DAAM1: variants seen among roughly 807,000 people sequenced by gnomAD.
DAAM1 encodes the protein disheveled-associated activator of morphogenesis 1.
A neutral mutation model predicts 130.0 loss-of-function variants in DAAM1; 52 were observed. That is an observed-to-expected ratio of 0.40 (90% CI 0.32 to 0.50). The LOEUF (loss-of-function observed/expected upper bound fraction) is 0.50. DAAM1 is among the 20% of genes least tolerant of loss of function. The pLI, the probability that DAAM1 is intolerant of heterozygous loss-of-function variation, is 0.61. For synonymous variants in DAAM1, 452 were observed against 444.5 expected, an observed-to-expected ratio of 1.02 and a Z score of -0.21; for missense variants, 1,134 against 1,303.8, an observed-to-expected ratio of 0.87 and a Z score of 2.01.
At chr14:59,358,853 GTATC>G (rs1230635530) in intron 20 of DAAM1, among the ~76,000 whole-genome samples, 1 of 144,600 alleles carries the variant, frequency 6.9e-6, no homozygotes, top group Admixed American at 6.9e-5. Flanking sequence ...AAAAAAAAAA[GTATC>G]AATAATTGTC....
chr14:59,271,526 A>C (rs1445418238), intron 2 of DAAM1, among the ~76,000 whole-genome samples: 1 of 152,196 alleles, frequency 6.6e-6, no homozygotes, highest in African/African-American at 2.4e-5. Flanking sequence ...AGATTTAGAT[A>C]AATTCACAGT....
intron 1 of DAAM1, among the ~76,000 whole-genome samples, chr14:59,253,208 TGTAA>T (rs1762559884): frequency 6.6e-6 from 1 of 152,234 alleles, no homozygotes; most frequent in Admixed American, 6.5e-5. Flanking sequence ...TTTCAGAGGA[TGTAA>T]GTGTCTTTCC....
intron 1 of DAAM1, among the ~76,000 whole-genome samples, chr14:59,221,723 T>A (rs1888778893): frequency 6.6e-6 from 1 of 152,254 alleles, no homozygotes; most frequent in Non-Finnish European, 1.5e-5. Flanking sequence ...CAGCCAACAC[T>A]GTAACTCCTT....
intron 24 of DAAM1, among the ~76,000 whole-genome samples, chr14:59,368,332 C>A (rs900791848): frequency 1.3e-5 from 2 of 151,886 alleles, no homozygotes; most frequent in Admixed American, 1.3e-4. Context: ...AATAGTGATA[C>A]CTTTTTTTTA....
At chr14:59,280,142 A>G (rs1220505071) in intron 2 of DAAM1, among the ~76,000 whole-genome samples, 2 of 152,064 alleles carry the variant, frequency 1.3e-5, no homozygotes, top group Admixed American at 6.6e-5. Flanking sequence ...ACATGAGTAT[A>G]AGATGGTACC....
chr14:59,231,967 AAT>A (rs1889122571), intron 1 of DAAM1, among the ~76,000 whole-genome samples: 1 of 152,136 alleles, frequency 6.6e-6, no homozygotes, highest in Non-Finnish European at 1.5e-5. Context: ...ACATTTGAGA[AAT>A]ATACTATTTG....
chr14:59,189,652 T>A (rs562621653), intron 1 of DAAM1, among the ~76,000 whole-genome samples: 1 of 152,280 alleles, frequency 6.6e-6, no homozygotes, highest in South Asian at 2.1e-4. Flanking sequence ...GCAGGAGGGC[T>A]GGATAATCGG....
At chr14:59,221,357 A>G (rs1413331388) in intron 1 of DAAM1, among the ~76,000 whole-genome samples, 2 of 152,270 alleles carry the variant, frequency 1.3e-5, no homozygotes, top group African/African-American at 2.4e-5. Context: ...CGTATTCATA[A>G]CAAAATAGGG....
intron 5 of DAAM1, among the ~76,000 whole-genome samples, chr14:59,322,217 C>T (rs2139617806): frequency 6.6e-6 from 1 of 152,154 alleles, no homozygotes; most frequent in East Asian, 1.9e-4. Flanking sequence ...CGTCAGCAAT[C>T]AACATATAAA....
intron 2 of DAAM1, among the ~76,000 whole-genome samples, chr14:59,289,767 G>GATATACATATATATATATAT (rs1555360750): frequency 1.8e-5 from 2 of 110,216 alleles, no homozygotes; most frequent in Non-Finnish European, 3.9e-5. Flanking sequence ...AACAAAATGT[G>GATATACATATATATATATAT]ATATATATAT....
At chr14:59,281,580 T>C (rs774027678) in intron 2 of DAAM1, among the ~76,000 whole-genome samples, 3 of 151,924 alleles carry the variant, frequency 2.0e-5, no homozygotes, top group African/African-American at 7.3e-5. Flanking sequence ...GCAAAAGCCA[T>C]GTCATGAAGG....
chr14:59,359,401 A>G lies in DAAM1; in HGVS notation c.2530A>G (p.Ile844Val). The G allele has an allele frequency of 6.2e-7, 1 of 1,609,180 alleles. No homozygotes were observed. The highest frequency in any genetic ancestry group is 8.5e-7 in the Non-Finnish European group (1 of 1,175,910). ...TCTTCCCTTCTTCAATTGTAGAAAC[A>G]TTACCCTTTTGCACTATCTCATCAC... ...ADTKSSIDKNITLLHYLITIV... is the reference protein window; with the variant it reads ...ADTKSSIDKNVTLLHYLITIV... The change falls in exon 21 of 25, where the codon ATT (isoleucine) becomes GTT (valine). Residue 844 changes from isoleucine to valine, a missense_variant. Ile to Val is a conservative substitution (Grantham distance 29). Around this residue, in one of 3 missense-constraint regions of DAAM1, gnomAD observed 644 missense variants for 695.9 expected, o/e 0.93. Transcript: ENST00000360909.
chr14:59,272,619 A>G (rs1339526152), intron 2 of DAAM1, among the ~76,000 whole-genome samples: 1 of 126,686 alleles, frequency 7.9e-6, no homozygotes, highest in African/African-American at 2.9e-5. Flanking sequence ...ACACACACAC[A>G]CACACACACA....
intron 1 of DAAM1, among the ~76,000 whole-genome samples, chr14:59,245,254 C>G (rs1404170112): frequency 1.3e-5 from 2 of 152,082 alleles, no homozygotes; most frequent in Non-Finnish European, 1.5e-5. Flanking sequence ...TGTCCTTTGC[C>G]TTTATCATTT....
At chr14:59,290,950 G>A (rs1027259983) in intron 2 of DAAM1, among the ~76,000 whole-genome samples, 4 of 152,028 alleles carry the variant, frequency 2.6e-5, no homozygotes, top group East Asian at 1.9e-4. Flanking sequence ...GGATAATTCT[G>A]TCTGTGCTTG....
At chr14:59,248,142 T>A (rs1881476420) in intron 1 of DAAM1, among the ~76,000 whole-genome samples, 1 of 152,210 alleles carries the variant, frequency 6.6e-6, no homozygotes, top group South Asian at 2.1e-4. Flanking sequence ...TTAGAAAAAA[T>A]TTTGCAAGAG....
chr14:59,362,967 G>T (rs965353656), intron 22 of DAAM1: 4 of 152,276 alleles, frequency 2.6e-5, no homozygotes, highest in African/African-American at 9.7e-5. Flanking sequence ...CTCACTCATA[G>T]GGATGTTGTG....
chr14:59,319,627 T>C (rs556904376), intron 4 of DAAM1, among the ~76,000 whole-genome samples: 2 of 152,312 alleles, frequency 1.3e-5, no homozygotes, highest in East Asian at 3.9e-4. Flanking sequence ...TGGAGGATCC[T>C]GGAGTCATAA....
At chr14:59,351,746 A>C (rs774120092) in intron 17 of DAAM1, among the ~76,000 whole-genome samples, 1 of 148,090 alleles carries the variant, frequency 6.8e-6, no homozygotes, top group East Asian at 1.9e-4. Context: ...CAAGAAGGTC[A>C]ATGTTTTAAA....
Sources: allele counts gnomAD v4.1 joint callset (sites outside exome capture counted in the v4.1 genomes callset), GRCh38; gene constraint gnomAD v4.1.1; regional missense constraint gnomAD v4.1.1; transcripts MANE v1.5; gene names NCBI Gene and HGNC (gene_info 2026-07-23, HGNC 2026-07-21).